CASKIN1: variants seen among roughly 807,000 people sequenced by gnomAD.
The protein encoded by CASKIN1 is CASK interacting protein 1.
CASKIN1 carries 42 observed loss-of-function variants against 117.5 expected under a neutral mutation model. That is an observed-to-expected ratio of 0.36 (90% CI 0.28 to 0.46). The LOEUF is 0.46. CASKIN1 is among the 20% of genes least tolerant of loss of function. The pLI, the probability that CASKIN1 is intolerant of heterozygous loss-of-function variation, is 1.00. For missense variants in CASKIN1, 2,083 were observed against 2,077.3 expected (o/e 1.00, Z -0.05); for synonymous variants, 1,148 against 961.7 (o/e 1.19, Z -3.59).
Position 2,196,568 on chromosome 16 carries a change from C to T in CASKIN1, c.-136G>A, listed in dbSNP as rs2093217299. On this transcript the variant is annotated 5_prime_UTR_variant, in exon 1 of 20. Coordinates refer to ENST00000343516, the MANE Select transcript of CASKIN1 (RefSeq NM_020764.4). The surrounding 1 kb of genome is among the most constrained non-coding windows in gnomAD (Gnocchi z 5.7). ...TCCTCGCCGCCCGCCGCCCCTTCGC[C>T]CTCCTCGGGCTCCGGCTTGGGCTCG... 5.5e-6 allele frequency: 1 copy of T among 182,654 alleles called. No individual in the cohort carries two copies. The highest frequency in any genetic ancestry group is 2.4e-5 in the African/African-American group (1 of 41,498). The allele number at this position is 182,654 out of a possible 1,614,324, so 11.3% of individuals were successfully genotyped here.
intron 16 of CASKIN1, 39 bp downstream of exon 16, chr16:2,183,607 C>G (rs770770805): frequency 5.6e-6 from 9 of 1,597,632 alleles, no homozygotes; most frequent in African/African-American, 1.3e-5. Context: ...GTCTGTCTGC[C>G]CGTCCTGGGC....
Position 2,179,397 on chromosome 16 carries a change from C to CTCCTT in CASKIN1, c.3776-73_3776-72insAAGGA. 12 of 1,336,006 alleles carry CTCCTT rather than the reference C, an allele frequency of 9.0e-6. No individual in the cohort carries two copies. Among genetic ancestry groups the CTCCTT allele is most frequent in the South Asian group, 8.6e-5 (4 of 46,466 alleles). 82.8% of individuals were successfully genotyped at this position (1,336,006 alleles called of 1,614,324 possible). A position where few individuals can be genotyped will look rare whatever the true frequency, so the allele number is the denominator to read the frequency against. ...CCGCGCCCCCTGCCCCAGCCTCCCG[C>CTCCTT]GGCTTCCTCCCCAGCGGACCGGGAA... On this transcript the variant is annotated intron_variant, in intron 18 of 19. Transcript: ENST00000343516. The surrounding 1 kb of genome is among the most constrained non-coding windows in gnomAD (Gnocchi z 5.8).
chr16:2,180,743 C>A lies in CASKIN1; in HGVS notation c.2625G>T (p.Arg875=). The part of the protein sequence containing the change: ...LPPEADAEPG[R]PKKRAHSLNR... ...TCAGGCTGTGGGCCCGCTTCTTGGG[C>A]CGCCCCGGCTCCGCGTCGGCCTCAG... Residue 875 remains arginine (R), a synonymous_variant, in exon 18 of 20, where the codon CGG becomes CGT. Coordinates refer to ENST00000343516, the MANE Select transcript of CASKIN1 (RefSeq NM_020764.4). 4 of 1,443,344 alleles carry A rather than the reference C, an allele frequency of 2.8e-6. No individual in the cohort carries two copies. Among genetic ancestry groups the A allele is most frequent in the Non-Finnish European group, 3.6e-6 (4 of 1,105,860 alleles). The allele number at this position is 1,443,344 out of a possible 1,614,324, so 89.4% of individuals were successfully genotyped here.
At position 2,178,298 on chromosome 16, in the gene CASKIN1, G is replaced by A. The variant is rs2093150395; in HGVS notation, c.*252C>T. 9.3e-6 allele frequency: 4 copies of A among 432,216 alleles called. No individual in the cohort carries two copies. Among genetic ancestry groups the A allele is most frequent in the East Asian group, 4.6e-5 (1 of 21,906 alleles). 26.8% of individuals were successfully genotyped at this position (432,216 alleles called of 1,614,324 possible). Reference sequence around the variant, plus strand: ...GCGCCCTCCCCTCCCGCGCGGGCAGGAGGCCCAGCAGGTATTGCACGGGGA... The same window carrying A: ...GCGCCCTCCCCTCCCGCGCGGGCAGAAGGCCCAGCAGGTATTGCACGGGGA... On this transcript the variant is annotated 3_prime_UTR_variant, in exon 20 of 20. Transcript: ENST00000343516.
At position 2,178,424 on chromosome 16, in the gene CASKIN1, C is replaced by T. The variant is rs2093151272; in HGVS notation, c.*126G>A. 4.5e-6 allele frequency: 3 copies of T among 663,044 alleles called. No individual in the cohort carries two copies. In the South Asian group the frequency reaches 7.3e-5, roughly 16 times the overall value. The allele number at this position is 663,044 out of a possible 1,614,324, so 41.1% of individuals were successfully genotyped here. On this transcript the variant is annotated 3_prime_UTR_variant, in exon 20 of 20. Coordinates refer to ENST00000343516, the MANE Select transcript of CASKIN1 (RefSeq NM_020764.4). Reference sequence around the variant, plus strand: ...GGGCGCCCCGGCCCGGGTCCAGGGGCCGGAGTTGTGCTTCTGCAGGGCCCT... The same window carrying T: ...GGGCGCCCCGGCCCGGGTCCAGGGGTCGGAGTTGTGCTTCTGCAGGGCCCT...
chr16:2,179,528 A>C lies in CASKIN1; in HGVS notation c.3775+65T>G, dbSNP rs903272552. ...AAACCCAAGAAAAGGAAAACCCCTC[A>C]GACCACCGAGTAAGGAGGTGGAGCA... On this transcript the variant is annotated intron_variant, in intron 18 of 19. Coordinates refer to ENST00000343516, the MANE Select transcript of CASKIN1 (RefSeq NM_020764.4). The surrounding 1 kb of genome is among the most constrained non-coding windows in gnomAD (Gnocchi z 5.8). The C allele has an allele frequency of 1.8e-5, 25 of 1,399,704 alleles. No individual in the cohort carries two copies. Among genetic ancestry groups the C allele is most frequent in the Non-Finnish European group, 2.3e-5 (25 of 1,076,378 alleles). 86.7% of individuals were successfully genotyped at this position (1,399,704 alleles called of 1,614,324 possible).
Position 2,180,708 on chromosome 16 carries a change from G to T in CASKIN1, c.2660C>A (p.Ala887Glu). ...KKRAHSLNRY[A>E]ASDSEPERDE... ...CCGCTCCGGCTCGCTGTCGGACGCC[G>T]CATAGCGATTCAGGCTGTGGGCCCG... Residue 887 changes from alanine (A) to glutamate (E), a missense_variant, in exon 18 of 20, where the codon GCG becomes GAG. This residue lies in a region of CASKIN1 where 1,818 missense variants were observed against 1,688.9 expected (regional missense o/e 1.08). Coordinates refer to ENST00000343516, the MANE Select transcript of CASKIN1 (RefSeq NM_020764.4). 1 of 1,480,114 alleles carries T rather than the reference G, an allele frequency of 6.8e-7. No homozygotes were observed. Among genetic ancestry groups the T allele is most frequent in the Non-Finnish European group, 8.9e-7 (1 of 1,122,150 alleles). The allele number at this position is 1,480,114 out of a possible 1,614,324, so 91.7% of individuals were successfully genotyped here.
chr16:2,186,273 C>T (rs1039303320), intron 10 of CASKIN1, among the ~76,000 whole-genome samples: 13 of 152,348 alleles, frequency 8.5e-5, no homozygotes, highest in South Asian at 2.1e-4. Flanking sequence ...CTGGCGCCGC[C>T]GGCTTTTAAC....
rs376408487 is a variant in CASKIN1, at chr16:2,185,051, C to T, written c.1240-16G>A. The T allele has an allele frequency of 1.9e-6, 3 of 1,606,904 alleles. No homozygotes were observed. Among genetic ancestry groups the T allele is most frequent in the Non-Finnish European group, 2.6e-6 (3 of 1,175,674 alleles). The stretch of plus-strand genomic sequence containing the variant: ...TTGCCAGGAGCTGCAACCCAGAAAC[C>T]CCGGCTTGTCACCTGCTCCCAGCCC... On this transcript the variant is annotated splice_polypyrimidine_tract_variant and intron_variant, in intron 12 of 19. Transcript: ENST00000343516.
chr16:2,188,655 A>T (rs2093191895), intron 6 of CASKIN1, among the ~76,000 whole-genome samples: 1 of 152,178 alleles, frequency 6.6e-6, no homozygotes, highest in African/African-American at 2.4e-5. Flanking sequence ...CACCCAGCCC[A>T]CAGTGAGCAC....
At chr16:2,183,091 C>T (rs2093173109) in intron 16 of CASKIN1, among the ~76,000 whole-genome samples, 1 of 152,242 alleles carries the variant, frequency 6.6e-6, no homozygotes, top group South Asian at 2.1e-4. Flanking sequence ...CCGGCCGCAC[C>T]TCCGTGTTAA....
At chr16:2,185,508 C>G (rs938490594) in intron 10 of CASKIN1, 100 bp from the exon 11 acceptor site, 1 of 976,758 alleles carries the variant, frequency 1.0e-6, no homozygotes, top group Non-Finnish European at 1.5e-6. Context: ...GCCGGGGGTC[C>G]TCTCTGCCCA....
Position 2,181,150 on chromosome 16 carries a change from T to G in CASKIN1, c.2218A>C (p.Arg740=). The G allele has an allele frequency of 6.7e-7, 1 of 1,489,660 alleles. No individual in the cohort carries two copies. Among genetic ancestry groups the G allele is most frequent in the Non-Finnish European group, 8.9e-7 (1 of 1,129,910 alleles). 92.3% of individuals were successfully genotyped at this position (1,489,660 alleles called of 1,614,324 possible). A position where few individuals can be genotyped will look rare whatever the true frequency, so the allele number is the denominator to read the frequency against. ...DEGPAPGTPP[R]EARPGRHGHS... ...CCGTGGCGGCCGGGCCGGGCCTCCC[T>G]GGGCGGGGTGCCGGGGGCGGGGCCC... The change falls in exon 18 of 20, where the codon AGG becomes CGG. Residue 740 remains arginine (R), a synonymous_variant. Transcript: ENST00000343516.
chr16:2,177,735 A>G lies in CASKIN1; in HGVS notation c.*815T>C, dbSNP rs544507949. 1 of 241,512 alleles carries G rather than the reference A, an allele frequency of 4.1e-6. No homozygotes were observed. The highest frequency in any genetic ancestry group is 6.2e-5 in the East Asian group (1 of 16,094). The allele number at this position is 241,512 out of a possible 1,614,324, so 15.0% of individuals were successfully genotyped here. ...ACGCTGACACACCCACATTCACCAA[A>G]CCCACCCGCGCCCTGGGACGCAGCC... On this transcript the variant is annotated 3_prime_UTR_variant, in exon 20 of 20. Transcript: ENST00000343516.
At position 2,181,358 on chromosome 16, in the gene CASKIN1, C is replaced by A; in HGVS notation, c.2010G>T (p.Glu670Asp). 1 of 1,607,226 alleles carries A rather than the reference C, an allele frequency of 6.2e-7. No homozygotes were observed. The highest frequency in any genetic ancestry group is 8.5e-7 in the Non-Finnish European group (1 of 1,178,530). Residue 670 changes from glutamate (E) to aspartate (D), a missense_variant, in exon 18 of 20, where the codon GAG (glutamate) becomes GAT (aspartate). Glu to Asp is a conservative substitution (Grantham distance 45). Coordinates refer to ENST00000343516, the MANE Select transcript of CASKIN1 (RefSeq NM_020764.4). The stretch of plus-strand genomic sequence containing the variant: ...AGGGCTTCTCAGTGGTGGGCCCCAC[C>A]TCAGCCGGGCCAGTCATGGCAGCCT... ...ELQAAMTGPA[E>D]VGPTTEKPSS... is the part of the protein sequence containing the mutation.
chr16:2,186,844 G>A lies in CASKIN1; in HGVS notation c.931-20C>T. On this transcript the variant is annotated intron_variant, in intron 9 of 19. Transcript: ENST00000343516. ...GAGGACCTGGCCAGTAAGGTGGGGG[G>A]CGCTCAGGGAGATGCCCCCTTTCGC... The A allele has an allele frequency of 6.2e-7, 1 of 1,611,428 alleles. No homozygotes were observed. Among genetic ancestry groups the A allele is most frequent in the Non-Finnish European group, 8.5e-7 (1 of 1,178,710 alleles).
intron 16 of CASKIN1, 71 bp from the exon 17 acceptor site, chr16:2,182,000 A>G (rs2093169719): frequency 6.3e-7 from 1 of 1,597,014 alleles, no homozygotes; most frequent in Non-Finnish European, 8.6e-7. Context: ...CTGGAGCTGG[A>G]GGAGGAAGGG....
At chr16:2,194,950 C>T (rs1399929925) in intron 1 of CASKIN1, among the ~76,000 whole-genome samples, 1 of 152,198 alleles carries the variant, frequency 6.6e-6, no homozygotes, top group African/African-American at 2.4e-5. Flanking sequence ...GTCTTAGGAC[C>T]CCACCGTGAG....
chr16:2,195,497 C>T (rs1245339689), intron 1 of CASKIN1, among the ~76,000 whole-genome samples: 4 of 152,220 alleles, frequency 2.6e-5, no homozygotes, highest in Non-Finnish European at 4.4e-5. Context: ...GTCCACACGC[C>T]CATCCATCCA....
Sources: allele counts gnomAD v4.1 joint callset (sites outside exome capture counted in the v4.1 genomes callset), GRCh38; gene constraint gnomAD v4.1.1; regional missense constraint gnomAD v4.1.1; non-coding constraint Gnocchi (gnomAD v3.1); transcripts MANE v1.5; gene names NCBI Gene and HGNC (gene_info 2026-07-23, HGNC 2026-07-21).